The following GALNT17 variants were observed in gnomAD, a reference collection of about 807,000 sequenced individuals.
The protein encoded by GALNT17 is polypeptide N-acetylgalactosaminyltransferase 17, also known as UDP-GalNAc:polypeptide N-acetylgalactosaminyltransferase-like 3.
GALNT17 carries 29 observed loss-of-function variants against 63.7 expected under a neutral mutation model. The ratio of observed to expected loss-of-function variants is 0.46; its 90% CI spans 0.34 to 0.62. The LOEUF is 0.62. GALNT17 is among the 20% of genes least tolerant of loss of function. The probability of loss-of-function intolerance (pLI) is 0.01; values close to 1 mark genes in which losing one functional copy is unlikely to be tolerated. For synonymous variants in GALNT17, 305 were observed against 318.3 expected (o/e 0.96, Z 0.45); for missense variants, 603 against 799.6 (o/e 0.75, Z 2.97).
intron 5 of GALNT17, among the ~76,000 whole-genome samples, chr7:71,427,332 G>A (rs1583943284): frequency 2.0e-5 from 3 of 151,742 alleles, no homozygotes; most frequent in Non-Finnish European, 2.9e-5. Context: ...TCCTGACCTC[G>A]TGATCTGCCT....
At chr7:71,660,830 C>T (rs1335874871) in intron 6 of GALNT17, among the ~76,000 whole-genome samples, 1 of 152,200 alleles carries the variant, frequency 6.6e-6, no homozygotes, top group Non-Finnish European at 1.5e-5. Context: ...TGGCAGACTT[C>T]ACATCAGCTC....
intron 5 of GALNT17, among the ~76,000 whole-genome samples, chr7:71,472,237 G>A (rs1787644403): frequency 6.6e-6 from 1 of 152,046 alleles, no homozygotes; most frequent in Non-Finnish European, 1.5e-5. Context: ...CTTCCCGAAG[G>A]CTCCACCTCC....
At chr7:71,386,047 C>T (rs1333104641) in intron 2 of GALNT17, among the ~76,000 whole-genome samples, 1 of 152,102 alleles carries the variant, frequency 6.6e-6, no homozygotes, top group Non-Finnish European at 1.5e-5. Context: ...TTTTGTGGAC[C>T]ACCACACAGT....
At chr7:71,405,584 C>G (rs918380737) in intron 3 of GALNT17, among the ~76,000 whole-genome samples, 2 of 152,106 alleles carry the variant, frequency 1.3e-5, no homozygotes, top group African/African-American at 2.4e-5. Flanking sequence ...AACAAAAATG[C>G]CTTAGACTGG....
chr7:71,633,203 G>A (rs1239008498), intron 6 of GALNT17, among the ~76,000 whole-genome samples: 1 of 152,010 alleles, frequency 6.6e-6, no homozygotes, highest in Non-Finnish European at 1.5e-5. Context: ...GAAGGTGTCA[G>A]TGAAGAAAAC....
At chr7:71,528,370 G>A (rs997744824) in intron 5 of GALNT17, among the ~76,000 whole-genome samples, 2 of 152,170 alleles carry the variant, frequency 1.3e-5, no homozygotes, top group African/African-American at 4.8e-5. Context: ...GCAAAATTGA[G>A]AAGACTGCAT....
chr7:71,607,737 G>GA (rs369505693), intron 6 of GALNT17, among the ~76,000 whole-genome samples: 1 of 151,788 alleles, frequency 6.6e-6, no homozygotes, highest in Non-Finnish European at 1.5e-5. Context: ...AAGAAAAGGA[G>GA]AAAAAAAACC....
intron 5 of GALNT17, among the ~76,000 whole-genome samples, chr7:71,569,222 G>A (rs888108785): frequency 6.6e-6 from 1 of 151,934 alleles, no homozygotes; most frequent in East Asian, 1.9e-4. Context: ...CCCCTGCCTC[G>A]GCCTCCCAAA....
intron 5 of GALNT17, among the ~76,000 whole-genome samples, chr7:71,550,727 T>C (rs1789062783): frequency 6.6e-6 from 1 of 152,216 alleles, no homozygotes; most frequent in African/African-American, 2.4e-5. Flanking sequence ...GCTGCATTCA[T>C]TTTATCATGG....
chr7:71,302,557 C>CA (rs1376300505), intron 1 of GALNT17, among the ~76,000 whole-genome samples: 2 of 152,128 alleles, frequency 1.3e-5, no homozygotes, highest in African/African-American at 4.8e-5. Context: ...CTTGTTGTCC[C>CA]AGGGACCTAG....
chr7:71,631,481 C>A (rs191604203), intron 6 of GALNT17, among the ~76,000 whole-genome samples: 37 of 152,204 alleles, frequency 2.4e-4, no homozygotes, highest in African/African-American at 8.7e-4. Flanking sequence ...AGCCACCATG[C>A]CCAGACTCAG....
chr7:71,181,558 G>C (rs1330577608), intron 1 of GALNT17, among the ~76,000 whole-genome samples: 1 of 152,126 alleles, frequency 6.6e-6, no homozygotes, highest in Non-Finnish European at 1.5e-5. Context: ...GACACTACTT[G>C]AGTATGCATC....
intron 2 of GALNT17, among the ~76,000 whole-genome samples, chr7:71,356,740 C>T (rs963804372): frequency 4.6e-5 from 7 of 152,116 alleles, no homozygotes; most frequent in African/African-American, 1.7e-4. Context: ...TTCAATATAG[C>T]GTGTCAAATA....
chr7:71,516,520 A>G (rs148337725), intron 5 of GALNT17, among the ~76,000 whole-genome samples: 2 of 152,272 alleles, frequency 1.3e-5, no homozygotes, highest in East Asian at 1.9e-4. Context: ...CCCTTCTTCT[A>G]TGCTTTCTCT....
At position 71,578,004 on chromosome 7, in the gene GALNT17, CATTTATTTATTTATTTATTTATTT is replaced by C. The variant is rs60916222; in HGVS notation, c.1080+6627_1080+6650del. Reference sequence around the variant, plus strand: ...CTTGCTCCTTCGGAGGGGTTGTTTACATTTATTTATTTATTTATTTATTTATTTATTTATTTATTTATTTATTTT... The same window carrying C: ...CTTGCTCCTTCGGAGGGGTTGTTTACATTTATTTATTTATTTATTTATTTT... On this transcript the variant is annotated intron_variant, in intron 6 of 10. Transcript: ENST00000333538. Among the ~76,000 whole-genome samples the C allele has an allele frequency of 2.7e-4, 39 of 143,312 alleles. 1 individual carries two copies. The South Asian group carries it at 8.1e-3, about 30-fold the overall frequency. The allele number at this position is 143,312 out of a possible 152,430, so 94.0% of individuals were successfully genotyped here. A position where few individuals can be genotyped will look rare whatever the true frequency, so the allele number is the denominator to read the frequency against.
At chr7:71,302,419 A>G (rs1214149244) in intron 1 of GALNT17, among the ~76,000 whole-genome samples, 4 of 152,202 alleles carry the variant, frequency 2.6e-5, no homozygotes, top group Admixed American at 6.5e-5. Flanking sequence ...GTGCACTGGC[A>G]TGGGGCTTCA....
intron 2 of GALNT17, among the ~76,000 whole-genome samples, chr7:71,363,700 A>G (rs1361809962): frequency 2.0e-5 from 3 of 152,266 alleles, no homozygotes; most frequent in Non-Finnish European, 4.4e-5. Flanking sequence ...ACAGAGTTTA[A>G]TTGAGCAAAG....
At chr7:71,464,861 T>C (rs986872567) in intron 5 of GALNT17, among the ~76,000 whole-genome samples, 2 of 147,442 alleles carry the variant, frequency 1.4e-5, no homozygotes, top group African/African-American at 5.0e-5. Context: ...AGAGTTACAA[T>C]TGCAGCTGAG....
chr7:71,490,757 A>G (rs556545919), intron 5 of GALNT17, among the ~76,000 whole-genome samples: 1 of 152,164 alleles, frequency 6.6e-6, no homozygotes, highest in East Asian at 1.9e-4. Context: ...CAAATTAGCC[A>G]GGCAAGGTGG....
Sources: allele counts gnomAD v4.1 joint callset (sites outside exome capture counted in the v4.1 genomes callset), GRCh38; gene constraint gnomAD v4.1.1; transcripts MANE v1.5; gene names NCBI Gene and HGNC (gene_info 2026-07-23, HGNC 2026-07-21).